Variants in LUZP2 observed in about 807,000 individuals in gnomAD.
The protein encoded by LUZP2 is leucine zipper protein 2.
A neutral mutation model predicts 51.6 loss-of-function variants in LUZP2; 52 were observed. The observed-to-expected ratio is 1.01, with a 90% CI of 0.81 to 1.27. The LOEUF (loss-of-function observed/expected upper bound fraction) is 1.27. Ranked by LOEUF, LUZP2 falls within the 50% of genes most tolerant of loss-of-function variation. The pLI is 0.00. For missense variants in LUZP2, 436 were observed against 395.4 expected (o/e 1.10, Z -0.87); for synonymous variants, 154 against 137.3 (o/e 1.12, Z -0.85).
intron 7 of LUZP2, among the ~76,000 whole-genome samples, chr11:24,928,354 A>G (rs1328789035): frequency 1.3e-5 from 2 of 151,454 alleles, no homozygotes; most frequent in East Asian, 1.9e-4. Context: ...CTTGTTTAGT[A>G]CTGTGTTTGT....
chr11:24,725,902 G>A (rs1201430924), intron 1 of LUZP2, among the ~76,000 whole-genome samples: 1 of 152,118 alleles, frequency 6.6e-6, no homozygotes, highest in African/African-American at 2.4e-5. Flanking sequence ...CACCGGGAAG[G>A]AAGATGCTGT....
chr11:24,928,714 TTTGGTA>T (rs1854352329), intron 7 of LUZP2, among the ~76,000 whole-genome samples: 1 of 152,080 alleles, frequency 6.6e-6, no homozygotes. Context: ...CTTTTCTGGT[TTTGGTA>T]TTACTGTGAT....
At chr11:25,041,643 TAC>T (rs200817027) in intron 9 of LUZP2, among the ~76,000 whole-genome samples, 4 of 151,910 alleles carry the variant, frequency 2.6e-5, no homozygotes, top group Non-Finnish European at 2.9e-5. Flanking sequence ...TATTATTTTA[TAC>T]ACACACACAC....
chr11:24,980,656 A>G (rs183696723), intron 8 of LUZP2, among the ~76,000 whole-genome samples: 44 of 151,940 alleles, frequency 2.9e-4, no homozygotes, highest in African/African-American at 1.1e-3. Context: ...AATGATGGTA[A>G]GGACTAAATA....
At chr11:24,964,455 T>G (rs1855522989) in intron 7 of LUZP2, among the ~76,000 whole-genome samples, 1 of 152,156 alleles carries the variant, frequency 6.6e-6, no homozygotes, top group South Asian at 2.1e-4. Context: ...TAAGGTAGTA[T>G]TAATTTTCAT....
At chr11:24,537,601 G>A (rs1247929939) in intron 1 of LUZP2, among the ~76,000 whole-genome samples, 1 of 151,494 alleles carries the variant, frequency 6.6e-6, no homozygotes, top group Non-Finnish European at 1.5e-5. Context: ...CTATAGAACA[G>A]GGACTAATAG....
intron 7 of LUZP2, among the ~76,000 whole-genome samples, chr11:24,931,233 A>G (rs1360217673): frequency 2.7e-5 from 4 of 147,494 alleles, no homozygotes; most frequent in Non-Finnish European, 6.0e-5. Context: ...ATAAAATAAA[A>G]TAAAATAAAA....
intron 7 of LUZP2, among the ~76,000 whole-genome samples, chr11:24,944,419 T>C (rs1854845446): frequency 6.6e-6 from 1 of 152,164 alleles, no homozygotes; most frequent in African/African-American, 2.4e-5. Flanking sequence ...CATATGCATA[T>C]AATTTTTGTA....
At chr11:24,535,348 T>G (rs1188054422) in intron 1 of LUZP2, among the ~76,000 whole-genome samples, 1 of 151,596 alleles carries the variant, frequency 6.6e-6, no homozygotes, top group African/African-American at 2.4e-5. Flanking sequence ...AGACTTCTCT[T>G]TAACATGAAA....
In LUZP2 at chr11:24,661,957, C is replaced by G. The variant is rs944178941; in HGVS notation, c.63-67212C>G. 3.3e-5 allele frequency among the ~76,000 whole-genome samples: 5 copies of G among 152,028 alleles called. No individual in the cohort carries two copies. In the East Asian group the frequency reaches 7.8e-4, roughly 24 times the overall value. On this transcript the variant is annotated intron_variant, in intron 1 of 11. Transcript: ENST00000336930. ...AGAGAAAACCTTAATTTATGGAATA[C>G]CTGCTTTTTAATTCTCCACAGTAAC...
intron 7 of LUZP2, among the ~76,000 whole-genome samples, chr11:24,932,962 C>T (rs1324734059): frequency 6.6e-6 from 1 of 152,184 alleles, no homozygotes; most frequent in Admixed American, 6.5e-5. Context: ...GAAATGGCTT[C>T]CCTGGGGACT....
chr11:25,039,484 G>A (rs2134003918), intron 9 of LUZP2, among the ~76,000 whole-genome samples: 1 of 152,274 alleles, frequency 6.6e-6, no homozygotes. Context: ...ATGGCAGTTA[G>A]CTGGGGCTAA....
At chr11:24,559,171 T>C (rs1408322965) in intron 1 of LUZP2, among the ~76,000 whole-genome samples, 1 of 152,064 alleles carries the variant, frequency 6.6e-6, no homozygotes, top group African/African-American at 2.4e-5. Context: ...CAGAATTTCT[T>C]TGAAAAAATA....
At chr11:24,558,702 G>A (rs1851944572) in intron 1 of LUZP2, among the ~76,000 whole-genome samples, 1 of 152,158 alleles carries the variant, frequency 6.6e-6, no homozygotes, top group African/African-American at 2.4e-5. Context: ...GAGAACTGCT[G>A]GATGTCATTA....
chr11:24,732,067 G>A (rs1159950814), intron 2 of LUZP2, 51 bp from the exon 3 acceptor site: 2 of 1,388,476 alleles, frequency 1.4e-6, no homozygotes, highest in Admixed American at 1.9e-5. Flanking sequence ...GTTAAAGTGA[G>A]TCTCAATTTC....
chr11:24,841,357 T>C (rs1297885037), intron 5 of LUZP2, among the ~76,000 whole-genome samples: 2 of 152,094 alleles, frequency 1.3e-5, no homozygotes, highest in African/African-American at 4.8e-5. Context: ...GACTTTTCAG[T>C]CTCCAGAAAA....
intron 1 of LUZP2, among the ~76,000 whole-genome samples, chr11:24,699,170 C>T (rs1385947243): frequency 6.6e-6 from 1 of 151,160 alleles, no homozygotes. Context: ...CTACTGATTT[C>T]TTTGAAGCTT....
intron 1 of LUZP2, among the ~76,000 whole-genome samples, chr11:24,614,161 A>G (rs1590243576): frequency 6.6e-6 from 1 of 152,010 alleles, no homozygotes; most frequent in African/African-American, 2.4e-5. Flanking sequence ...TTCTTTAAAA[A>G]TAGCTAATAT....
chr11:24,760,786 A>G (rs1207882089), intron 4 of LUZP2, among the ~76,000 whole-genome samples: 1 of 152,210 alleles, frequency 6.6e-6, no homozygotes, highest in African/African-American at 2.4e-5. Context: ...TGAAGATGTC[A>G]GAAAGAGGAA....
Sources: allele counts gnomAD v4.1 joint callset (sites outside exome capture counted in the v4.1 genomes callset), GRCh38; gene constraint gnomAD v4.1.1; transcripts MANE v1.5; gene names NCBI Gene and HGNC (gene_info 2026-07-23, HGNC 2026-07-21).